COPB2: variants seen among roughly 807,000 people sequenced by gnomAD.
COPB2 encodes coatomer subunit beta'.
In COPB2, 16 loss-of-function variants were observed where a neutral mutation model predicts 120.8. The ratio of observed to expected loss-of-function variants is 0.13; its 90% CI spans 0.09 to 0.20. The LOEUF (loss-of-function observed/expected upper bound fraction) is 0.20, where lower values mean the gene tolerates loss of function less well. Ranked by LOEUF, COPB2 falls within the 10% of genes least tolerant of loss-of-function variation. COPB2 has a pLI of 1.00. For missense variants in COPB2, 794 were observed against 1,076.5 expected (o/e 0.74, Z 3.67); for synonymous variants, 332 against 366.3 (o/e 0.91, Z 1.07).
At chr3:139,378,987 C>T in intron 4 of COPB2, 60 bp downstream of exon 4, 7 of 1,487,970 alleles carry the variant, frequency 4.7e-6, no homozygotes, top group Non-Finnish European at 6.3e-6. Context: ...TAGCATGTCT[C>T]AGTGAATGAA....
chr3:139,373,724 C>T lies in COPB2; in HGVS notation c.836G>A (p.Ser279Asn), dbSNP rs1483073319. 6.2e-7 allele frequency: 1 copy of T among 1,614,058 alleles called. No individual in the cohort carries two copies. The highest frequency in any genetic ancestry group is 1.7e-5 in the Admixed American group (1 of 60,002). Residue 279 changes from serine to asparagine, a missense_variant, in exon 8 of 22, where the codon AGT (serine) becomes AAT (asparagine). Ser to Asn is a conservative substitution (Grantham distance 46). Transcript: ENST00000333188. ...AGCGACATTGTTTGACCCTCTTAGACTGGCCACGCACCATACCCTCTCCAT... is the reference window on the plus strand; with the variant it reads ...AGCGACATTGTTTGACCCTCTTAGATTGGCCACGCACCATACCCTCTCCAT... ...YGMERVWCVA[S>N]LRGSNNVALG...
chr3:139,388,407 G>GC (rs200317817), intron 1 of COPB2: 1 of 149,188 alleles, frequency 6.7e-6, no homozygotes, highest in East Asian at 2.0e-4. Context: ...ATGGATTGTG[G>GC]GGGGGGGTGT....
upstream of COPB2, chr3:139,389,672 G>T: frequency 9.2e-7 from 1 of 1,084,612 alleles, no homozygotes; most frequent in Non-Finnish European, 1.3e-6. Context: ...GCCGATTCTC[G>T]CGATAGTCAG....
chr3:139,361,139 C>A lies in COPB2; in HGVS notation c.2152G>T (p.Gly718Cys), dbSNP rs1941411705. 6.2e-7 allele frequency: 1 copy of A among 1,614,132 alleles called. No homozygotes were observed. The highest frequency in any genetic ancestry group is 8.5e-7 in the Non-Finnish European group (1 of 1,180,036). ...NANMVNKLAE[G>C]AERDGKNNVA... ...TTATTTTTGCCATCTCTCTCCGCAC[C>A]CTCTGCTAGCTTGTTCACCATATTA... Residue 718 changes from glycine to cysteine, a missense_variant, in exon 17 of 22, where the codon GGT becomes TGT. This residue lies in a region of COPB2 where 610 missense variants were observed against 866.7 expected (regional missense o/e 0.70). Transcript: ENST00000333188.
chr3:139,366,891 A>G, intron 14 of COPB2, 116 bp from the exon 15 acceptor site: 2 of 1,462,624 alleles, frequency 1.4e-6, no homozygotes, highest in Non-Finnish European at 1.9e-6. Context: ...AATTCTGGTT[A>G]ACAATAGGCA....
chr3:139,387,795 T>G (rs1172912632), intron 1 of COPB2, among the ~76,000 whole-genome samples: 1 of 152,198 alleles, frequency 6.6e-6, no homozygotes, highest in Non-Finnish European at 1.5e-5. Context: ...TCTTTCAAGT[T>G]TGACTTATGT....
chr3:139,369,120 C>T, intron 12 of COPB2, 141 bp downstream of exon 12: 1 of 556,582 alleles, frequency 1.8e-6, no homozygotes, highest in Non-Finnish European at 3.2e-6. Context: ...TATTTAAATT[C>T]TAAGTGCTGT....
chr3:139,361,240 C>T lies in COPB2; in HGVS notation c.2051G>A (p.Gly684Asp). 2 of 1,614,164 alleles carry T rather than the reference C, an allele frequency of 1.2e-6. No homozygotes were observed. Among genetic ancestry groups the T allele is most frequent in the Non-Finnish European group, 1.7e-6 (2 of 1,180,036 alleles). The part of the protein sequence containing the change: ...AELAISKCQF[G>D]LAQECLHHAQ... ...ATGATGCAGGCACTCCTGGGCTAGG[C>T]CAAACTGACATTTACTAATGGCAAG... Residue 684 changes from glycine to aspartate, a missense_variant, in exon 17 of 22, where the codon GGC (glycine) becomes GAC (aspartate). Coordinates refer to ENST00000333188, the MANE Select transcript of COPB2 (RefSeq NM_004766.3).
Position 139,358,734 on chromosome 3 carries a change from C to T in COPB2, c.2553+10G>A, listed in dbSNP as rs752702017. ...TCAGCCAAATTTATCACATGAAGTG[C>T]TCTACTGACCTGTTGAGCTGTAGAT... On this transcript the variant is annotated intron_variant, in intron 20 of 21. Coordinates refer to ENST00000333188, the MANE Select transcript of COPB2 (RefSeq NM_004766.3). The T allele has an allele frequency of 5.0e-6, 8 of 1,587,258 alleles. No homozygotes were observed. The Admixed American group carries it at 1.3e-4, about 27-fold the overall frequency.
intron 1 of COPB2, among the ~76,000 whole-genome samples, chr3:139,386,495 T>C (rs886454035): frequency 1.4e-4 from 22 of 152,160 alleles, no homozygotes; most frequent in Non-Finnish European, 2.9e-5. Flanking sequence ...GACCTTGTGA[T>C]CCACCCACCT....
chr3:139,383,506 G>T, intron 1 of COPB2, 71 bp from the exon 2 acceptor site: 2 of 1,370,730 alleles, frequency 1.5e-6, no homozygotes, highest in Non-Finnish European at 9.7e-7. Flanking sequence ...AACTAAATAA[G>T]TGCATGAATA....
intron 1 of COPB2, 50 bp from the exon 2 acceptor site, chr3:139,383,485 T>C: frequency 6.9e-7 from 1 of 1,450,210 alleles, no homozygotes; most frequent in Non-Finnish European, 9.1e-7. Flanking sequence ...ATAAAATATG[T>C]TTGAGATTTT....
chr3:139,376,406 T>C (rs1232763199), intron 5 of COPB2, among the ~76,000 whole-genome samples: 1 of 152,224 alleles, frequency 6.6e-6, no homozygotes, highest in Non-Finnish European at 1.5e-5. Context: ...GCCTATTATA[T>C]GGGAGGCCCT....
chr3:139,368,452 G>C (rs1941561207), intron 12 of COPB2, among the ~76,000 whole-genome samples, 164 bp from the exon 13 acceptor site: 1 of 152,186 alleles, frequency 6.6e-6, no homozygotes, highest in Non-Finnish European at 1.5e-5. Flanking sequence ...CAGCTATTAT[G>C]TGGCTATGCT....
At chr3:139,365,270 CCA>C (rs1246537390) in intron 15 of COPB2, among the ~76,000 whole-genome samples, 3 of 152,064 alleles carry the variant, frequency 2.0e-5, no homozygotes, top group Non-Finnish European at 4.4e-5. Flanking sequence ...CAGAAAGTTT[CCA>C]CAGAGAAAAA....
At chr3:139,372,503 T>C (rs1397888697) in intron 9 of COPB2, among the ~76,000 whole-genome samples, 1 of 152,220 alleles carries the variant, frequency 6.6e-6, no homozygotes. Flanking sequence ...TTAAGGGAAA[T>C]ATGCATAATG....
rs199888455 is a variant in COPB2 at position 139,357,844 on chromosome 3, T to A, written c.*19A>T. 395 of 1,372,200 alleles carry A rather than the reference T, an allele frequency of 2.9e-4. No individual in the cohort carries two copies. The highest frequency in any genetic ancestry group is 4.0e-4 in the Non-Finnish European group (386 of 972,556). The allele number at this position is 1,372,200 out of a possible 1,614,324, so 85.0% of individuals were successfully genotyped here. ...TATAATAATGATCTGTTTAGTCAGG[T>A]AAATGGAAAGCATTACAGTCAATCA... On this transcript the variant is annotated 3_prime_UTR_variant, in exon 22 of 22. Coordinates refer to ENST00000333188, the MANE Select transcript of COPB2 (RefSeq NM_004766.3).
chr3:139,373,195 A>G lies in COPB2; in HGVS notation c.1094+18T>C. The stretch of plus-strand genomic sequence containing the variant: ...TAACATACACAGAAGCTGAGGGACA[A>G]TTTTGGTGATGGCTTACCGCCCATT... On this transcript the variant is annotated intron_variant, in intron 9 of 21. Transcript: ENST00000333188. 6.2e-7 allele frequency: 1 copy of G among 1,613,324 alleles called. No individual in the cohort carries two copies. The highest frequency in any genetic ancestry group is 8.5e-7 in the Non-Finnish European group (1 of 1,179,334).
Position 139,361,193 on chromosome 3 carries a change from G to C in COPB2, c.2098C>G (p.Leu700Val). The C allele has an allele frequency of 6.2e-7, 1 of 1,614,214 alleles. No homozygotes were observed. The highest frequency in any genetic ancestry group is 1.7e-5 in the Admixed American group (1 of 60,016). ...LHHAQDYGGL[L>V]LLATASGNAN... ...TTTCCAGAGGCAGTGGCCAAAAGCA[G>C]CAGGCCCCCATAATCCTGTGCATGA... The change falls in exon 17 of 22, where the codon CTG becomes GTG. Residue 700 changes from leucine to valine, a missense_variant. By Grantham distance (32) the Leu-to-Val change is conservative (BLOSUM62 1). Around this residue, in one of 3 missense-constraint regions of COPB2, gnomAD observed 610 missense variants for 866.7 expected, o/e 0.70. Coordinates refer to ENST00000333188, the MANE Select transcript of COPB2 (RefSeq NM_004766.3).
Sources: allele counts gnomAD v4.1 joint callset (sites outside exome capture counted in the v4.1 genomes callset), GRCh38; gene constraint gnomAD v4.1.1; regional missense constraint gnomAD v4.1.1; transcripts MANE v1.5; gene names NCBI Gene and HGNC (gene_info 2026-07-23, HGNC 2026-07-21).